Variants in ANO3 observed in about 807,000 individuals in gnomAD.
ANO3 encodes anoctamin-3.
In ANO3, 99 loss-of-function variants were observed where a neutral mutation model predicts 144.8. That is an observed-to-expected ratio of 0.68 (90% CI 0.58 to 0.81). The LOEUF is 0.81. Ranked by LOEUF, ANO3 falls within the 30% of genes least tolerant of loss-of-function variation. The pLI, the probability that ANO3 is intolerant of heterozygous loss-of-function variation, is 0.00. For missense variants in ANO3, 905 were observed against 1,202.2 expected (o/e 0.75, Z 3.66); for synonymous variants, 414 against 392.6 (o/e 1.05, Z -0.64).
intron 1 of ANO3, among the ~76,000 whole-genome samples, chr11:26,284,058 A>T (rs991426294): frequency 8.6e-5 from 13 of 151,860 alleles, no homozygotes; most frequent in Non-Finnish European, 1.5e-5. Context: ...GGGAGGAGGG[A>T]AGCACAGGCA....
In ANO3 at chr11:26,408,381, T is replaced by C. The variant is rs1296831428; in HGVS notation, c.47-33537T>C. On this transcript the variant is annotated intron_variant, in intron 1 of 26. Transcript: ENST00000256737. ...CAAAAAACACATGAAAAAATGCTCA[T>C]CATCACTGGCCATCAGAGAAATACA... is the stretch of plus-strand genomic sequence containing the variant. Among the ~76,000 whole-genome samples, 7 of 151,962 alleles carry C rather than the reference T, an allele frequency of 4.6e-5. No homozygotes were observed. In the East Asian group the frequency reaches 7.8e-4, roughly 17 times the overall value.
intron 14 of ANO3, among the ~76,000 whole-genome samples, chr11:26,567,546 A>C (rs937729812): frequency 1.3e-5 from 2 of 152,012 alleles, no homozygotes; most frequent in African/African-American, 4.8e-5. Flanking sequence ...CATGTGGTAC[A>C]ACGTAAATAT....
chr11:26,226,930 T>C lies in ANO3; in HGVS notation c.154+37600T>C, dbSNP rs11029399. ...AAACTGAAACTCAGTACTCATTAGATAATATCCTCATTTCCCCTTCTTTCA... is the reference window on the plus strand; with the variant it reads ...AAACTGAAACTCAGTACTCATTAGACAATATCCTCATTTCCCCTTCTTTCA... On this transcript the variant is annotated intron_variant, in intron 1 of 27. Coordinates refer to the ANO3 transcript ENST00000672621. 1.1e-3 allele frequency among the ~76,000 whole-genome samples: 173 copies of C among 152,266 alleles called. 2 individuals are homozygous for C. In the East Asian group the frequency reaches 0.026, roughly 23 times the overall value.
At chr11:26,338,919 G>C (rs147382804) in intron 1 of ANO3, among the ~76,000 whole-genome samples, 2 of 152,144 alleles carry the variant, frequency 1.3e-5, no homozygotes, top group African/African-American at 4.8e-5. Flanking sequence ...TGAAGTCAGC[G>C]AGACCAAGAA....
intron 1 of ANO3, among the ~76,000 whole-genome samples, chr11:26,240,064 T>C (rs1314996971): frequency 1.3e-5 from 2 of 152,178 alleles, no homozygotes; most frequent in South Asian, 2.1e-4. Context: ...GCCCCACTTA[T>C]TGGGGCAAAT....
intron 4 of ANO3, among the ~76,000 whole-genome samples, chr11:26,465,840 A>ACT (rs1388066214): frequency 6.6e-6 from 1 of 151,898 alleles, no homozygotes; most frequent in Non-Finnish European, 1.5e-5. Flanking sequence ...GTGAATTTTA[A>ACT]TTTTTGTCAG....
At chr11:26,462,740 A>T (rs569210014) in intron 3 of ANO3, among the ~76,000 whole-genome samples, 106 of 151,918 alleles carry the variant, frequency 7.0e-4, no homozygotes, top group African/African-American at 2.0e-3. Flanking sequence ...TTCCAATTTT[A>T]TTTTCAAAAA....
chr11:26,627,891 G>A (rs563805179), intron 18 of ANO3, among the ~76,000 whole-genome samples: 2 of 148,536 alleles, frequency 1.3e-5, no homozygotes, highest in African/African-American at 4.9e-5. Context: ...TTTTGGCTGC[G>A]CTAATTTGTG....
At chr11:26,438,605 A>AG (rs1858383982) in intron 1 of ANO3, among the ~76,000 whole-genome samples, 1 of 126,780 alleles carries the variant, frequency 7.9e-6, no homozygotes, top group Non-Finnish European at 1.8e-5. Flanking sequence ...AAAAAAAAAA[A>AG]AAAGAAAAAA....
At chr11:26,247,349 G>T (rs1852820581) in intron 1 of ANO3, among the ~76,000 whole-genome samples, 2 of 152,106 alleles carry the variant, frequency 1.3e-5, no homozygotes, top group South Asian at 2.1e-4. Context: ...TCTTTCTCCA[G>T]TCATTTCAAT....
At chr11:26,652,791 C>T (rs1037926049) in intron 24 of ANO3, among the ~76,000 whole-genome samples, 1 of 152,176 alleles carries the variant, frequency 6.6e-6, no homozygotes, top group South Asian at 2.1e-4. Flanking sequence ...AAACTCTCTT[C>T]GATAATGTGT....
At chr11:26,233,500 T>C (rs1179047543) in intron 1 of ANO3, among the ~76,000 whole-genome samples, 2 of 152,166 alleles carry the variant, frequency 1.3e-5, no homozygotes, top group Non-Finnish European at 2.9e-5. Context: ...GATGTGAGTG[T>C]AAATTAGTTC....
At chr11:26,350,038 G>GGGGAGGAGACAGGAACGGAAGC (rs1287795267) in intron 1 of ANO3, among the ~76,000 whole-genome samples, 3 of 150,500 alleles carry the variant, frequency 2.0e-5, no homozygotes, top group African/African-American at 7.3e-5. Context: ...AAGGAGAGTT[G>GGGGAGGAGACAGGAACGGAAGC]GGGAGGAGAC....
At chr11:26,360,986 T>G (rs923357021) in intron 1 of ANO3, among the ~76,000 whole-genome samples, 2 of 152,194 alleles carry the variant, frequency 1.3e-5, no homozygotes, top group African/African-American at 4.8e-5. Context: ...AGTTCGTGCA[T>G]TAGGTGTGTA....
intron 1 of ANO3, among the ~76,000 whole-genome samples, chr11:26,242,470 C>T (rs1852683551): frequency 1.3e-5 from 2 of 152,146 alleles, no homozygotes; most frequent in Non-Finnish European, 2.9e-5. Context: ...TTCCATATCC[C>T]CTTTACCCAA....
At chr11:26,470,826 T>C (rs1025292957) in intron 4 of ANO3, among the ~76,000 whole-genome samples, 1 of 151,966 alleles carries the variant, frequency 6.6e-6, no homozygotes, top group African/African-American at 2.4e-5. Context: ...AATATTATAA[T>C]ATCATTACCT....
intron 1 of ANO3, among the ~76,000 whole-genome samples, chr11:26,243,788 C>T (rs1320916100): frequency 1.3e-5 from 2 of 152,054 alleles, no homozygotes; most frequent in Non-Finnish European, 2.9e-5. Context: ...TCCAGAGATT[C>T]TCAGAAAAAT....
chr11:26,326,801 G>A (rs2133883507), intron 1 of ANO3, among the ~76,000 whole-genome samples: 1 of 152,288 alleles, frequency 6.6e-6, no homozygotes, highest in Non-Finnish European at 1.5e-5. Context: ...CAAGTAACTA[G>A]TACAATCACA....
intron 1 of ANO3, among the ~76,000 whole-genome samples, chr11:26,396,976 C>A (rs1857030824): frequency 8.0e-6 from 1 of 124,922 alleles, no homozygotes; most frequent in East Asian, 2.0e-4. Flanking sequence ...TAAGACTGAG[C>A]TAACTAACCT....
Sources: allele counts gnomAD v4.1 joint callset (sites outside exome capture counted in the v4.1 genomes callset), GRCh38; gene constraint gnomAD v4.1.1; transcripts MANE v1.5; gene names NCBI Gene and HGNC (gene_info 2026-07-23, HGNC 2026-07-21).